Variants in ANKS1B observed in about 807,000 individuals in gnomAD.
ANKS1B encodes the protein ankyrin repeat and sterile alpha motif domain-containing protein 1B.
ANKS1B carries 36 observed loss-of-function variants against 148.3 expected under a neutral mutation model. The observed-to-expected ratio is 0.24, with a 90% CI of 0.19 to 0.32. The LOEUF is 0.32. Among genes scored for constraint, ANKS1B ranks in the 10% least tolerant of loss-of-function variants. ANKS1B has a pLI of 1.00. For missense variants in ANKS1B, 1,157 were observed against 1,542.6 expected (o/e 0.75, Z 4.19); for synonymous variants, 542 against 560.8 (o/e 0.97, Z 0.47).
chr12:98,835,113 A>G (rs1334867005), intron 17 of ANKS1B, among the ~76,000 whole-genome samples: 3 of 136,020 alleles, frequency 2.2e-5, no homozygotes, highest in Non-Finnish European at 4.4e-5. Flanking sequence ...TATTATTATT[A>G]TTATTATTAT....
Position 99,893,119 on chromosome 12 carries a change from G to A in ANKS1B, c.135-67730C>T, listed in dbSNP as rs532996321. Among the ~76,000 whole-genome samples, 3 of 151,928 alleles carry A rather than the reference G, an allele frequency of 2.0e-5. No individual in the cohort carries two copies. In the South Asian group the frequency reaches 6.3e-4, roughly 32 times the overall value. ...GGTTCAGGGGGTTGATTTAAAAATTGAGAACTATAGGCCGGGTGCAGTGGC... is the reference window on the plus strand; with the variant it reads ...GGTTCAGGGGGTTGATTTAAAAATTAAGAACTATAGGCCGGGTGCAGTGGC... On this transcript the variant is annotated intron_variant, in intron 1 of 26. Coordinates refer to ENST00000683438, the MANE Select transcript of ANKS1B (RefSeq NM_001352186.2).
chr12:99,853,036 T>C (rs1672528853), intron 1 of ANKS1B, among the ~76,000 whole-genome samples: 1 of 151,934 alleles, frequency 6.6e-6, no homozygotes, highest in South Asian at 2.1e-4. Context: ...GGAACCAAAC[T>C]CCTTTCCCCC....
intron 4 of ANKS1B, among the ~76,000 whole-genome samples, chr12:99,798,872 T>G (rs968324592): frequency 5.3e-5 from 8 of 152,094 alleles, no homozygotes; most frequent in Non-Finnish European, 8.8e-5. Context: ...TCTCCACTTG[T>G]GCTCTTTATT....
intron 19 of ANKS1B, among the ~76,000 whole-genome samples, chr12:98,822,157 T>C (rs2099200822): frequency 6.6e-6 from 1 of 152,140 alleles, no homozygotes; most frequent in South Asian, 2.1e-4. Context: ...TTTTGTTACT[T>C]ACATGCATCT....
chr12:99,079,335 A>G (rs1376130416), intron 16 of ANKS1B, among the ~76,000 whole-genome samples: 1 of 152,222 alleles, frequency 6.6e-6, no homozygotes, highest in African/African-American at 2.4e-5. Flanking sequence ...AACTGAGGAT[A>G]GAGAAGGGGG....
chr12:99,127,185 A>T (rs1454423807), intron 15 of ANKS1B, among the ~76,000 whole-genome samples: 1 of 152,148 alleles, frequency 6.6e-6, no homozygotes, highest in Non-Finnish European at 1.5e-5. Context: ...TATCACGTTG[A>T]ATTTGGGAGG....
At chr12:99,970,029 TAA>T (rs1436724894) in intron 1 of ANKS1B, among the ~76,000 whole-genome samples, 3 of 152,172 alleles carry the variant, frequency 2.0e-5, no homozygotes, top group Admixed American at 6.6e-5. Flanking sequence ...ATAATAATAA[TAA>T]AGTCAAAAAT....
In ANKS1B at chr12:99,789,609, T is replaced by A. The variant is rs890779355; in HGVS notation, c.670-7512A>T. On this transcript the variant is annotated intron_variant, in intron 4 of 26. Transcript: ENST00000683438. ...TATCAGATAAATTTAACAAAGAGAT[T>A]GAAATAATTAAAAAGAATCAAGCAA... is the stretch of plus-strand genomic sequence containing the variant. Among the ~76,000 whole-genome samples, 24 of 152,140 alleles carry A rather than the reference T, an allele frequency of 1.6e-4. 1 individual carries two copies. The highest frequency in any genetic ancestry group is 5.8e-4 in the African/African-American group (24 of 41,498).
Position 99,098,540 on chromosome 12 carries a change from G to T in ANKS1B, c.2527-13517C>A, listed in dbSNP as rs189549501. Among the ~76,000 whole-genome samples, 431 of 146,470 alleles carry T rather than the reference G, an allele frequency of 2.9e-3. 4 individuals are homozygous for T. Among genetic ancestry groups the T allele is most frequent in the African/African-American group, 0.01 (406 of 39,566 alleles). ...ACTAATGCTTATCTTTTAAGGATATGGTGACATAATGTTTATGAAGTTGCT... is the reference window on the plus strand; with the variant it reads ...ACTAATGCTTATCTTTTAAGGATATTGTGACATAATGTTTATGAAGTTGCT... On this transcript the variant is annotated intron_variant, in intron 15 of 26. Transcript: ENST00000683438.
chr12:98,906,770 A>C (rs1409791263), intron 17 of ANKS1B, among the ~76,000 whole-genome samples: 1 of 152,258 alleles, frequency 6.6e-6, no homozygotes, highest in Non-Finnish European at 1.5e-5. Context: ...TGGTGATTAC[A>C]GCAACAATGC....
intron 9 of ANKS1B, among the ~76,000 whole-genome samples, chr12:99,583,474 A>G (rs1380528544): frequency 2.0e-5 from 3 of 152,212 alleles, no homozygotes; most frequent in Non-Finnish European, 4.4e-5. Context: ...GATTTGAACC[A>G]CATTATACCT....
intron 12 of ANKS1B, among the ~76,000 whole-genome samples, chr12:99,339,377 A>G (rs2089518089): frequency 1.3e-5 from 2 of 152,204 alleles, no homozygotes; most frequent in East Asian, 3.9e-4. Context: ...TTCTCTCTCC[A>G]TGCCACACTG....
At chr12:99,711,665 C>G (rs913385817) in intron 8 of ANKS1B, among the ~76,000 whole-genome samples, 3 of 151,998 alleles carry the variant, frequency 2.0e-5, no homozygotes, top group African/African-American at 7.3e-5. Flanking sequence ...TCGCACCAAT[C>G]AGAATGGCTA....
At chr12:99,842,859 G>A (rs1286800395) in intron 1 of ANKS1B, among the ~76,000 whole-genome samples, 1 of 152,114 alleles carries the variant, frequency 6.6e-6, no homozygotes, top group Admixed American at 6.6e-5. Flanking sequence ...ATTTTTTAGG[G>A]AGAGATGTGT....
At chr12:99,736,926 C>A (rs2059666518) in intron 8 of ANKS1B, among the ~76,000 whole-genome samples, 1 of 151,728 alleles carries the variant, frequency 6.6e-6, no homozygotes, top group African/African-American at 2.4e-5. Context: ...CAAATGGCCA[C>A]CAGGGATATG....
At position 99,481,942 on chromosome 12, in the gene ANKS1B, G is replaced by A. The variant is rs551233472; in HGVS notation, c.1438+22534C>T. Among the ~76,000 whole-genome samples the A allele has an allele frequency of 5.9e-5, 9 of 151,688 alleles. No homozygotes were observed. The South Asian group carries it at 6.2e-4, about 11-fold the overall frequency. On this transcript the variant is annotated intron_variant, in intron 10 of 26. Transcript: ENST00000683438. ...AGATTCTGGATACTAGTCCTTTGTC[G>A]GATGCACAGTTTGCAAATATTTTCT... is the stretch of plus-strand genomic sequence containing the variant.
chr12:99,899,730 A>T (rs1464933755), intron 1 of ANKS1B, among the ~76,000 whole-genome samples: 1 of 152,180 alleles, frequency 6.6e-6, no homozygotes, highest in African/African-American at 2.4e-5. Flanking sequence ...TTCTCTTAGA[A>T]TTTCCACTGT....
chr12:99,004,460 T>C (rs140740262), intron 17 of ANKS1B, among the ~76,000 whole-genome samples: 2 of 152,334 alleles, frequency 1.3e-5, no homozygotes, highest in East Asian at 3.9e-4. Context: ...TTTATTACTA[T>C]TTTGATGATG....
intron 17 of ANKS1B, among the ~76,000 whole-genome samples, chr12:98,834,855 T>C (rs2099353037): frequency 1.3e-5 from 2 of 152,158 alleles, no homozygotes; most frequent in African/African-American, 4.8e-5. Context: ...TTCCTCCATC[T>C]CAGAAAAAAT....
Sources: allele counts gnomAD v4.1 joint callset (sites outside exome capture counted in the v4.1 genomes callset), GRCh38; gene constraint gnomAD v4.1.1; transcripts MANE v1.5; gene names NCBI Gene and HGNC (gene_info 2026-07-23, HGNC 2026-07-21).